Variants in ME1 observed in about 807,000 individuals in gnomAD.
The protein encoded by ME1 is NADP-dependent malic enzyme.
Under a neutral mutation model 66.4 loss-of-function variants are expected in ME1, and 74 were observed. The ratio of observed to expected loss-of-function variants is 1.11; its 90% CI spans 0.92 to 1.35. The LOEUF (loss-of-function observed/expected upper bound fraction) is 1.35. Ranked by LOEUF, ME1 falls within the 40% of genes most tolerant of loss-of-function variation. The probability of loss-of-function intolerance (pLI) is 0.00; values close to 1 mark genes in which losing one functional copy is unlikely to be tolerated. For synonymous variants in ME1, 251 were observed against 235.6 expected (o/e 1.07, Z -0.60); for missense variants, 750 against 694.1 (o/e 1.08, Z -0.90).
chr6:83,392,896 C>G (rs1245065268), intron 3 of ME1: 8 of 797,190 alleles, frequency 1.0e-5, no homozygotes, highest in Admixed American at 1.7e-5. Flanking sequence ...ACGCCCCTGG[C>G]CAAGGTCATC....
chr6:83,368,404 A>G (rs1769138950), intron 3 of ME1, among the ~76,000 whole-genome samples: 2 of 152,132 alleles, frequency 1.3e-5, no homozygotes, highest in African/African-American at 4.8e-5. Context: ...GCAAAGCACA[A>G]TAACATGAAC....
chr6:83,364,909 C>T lies in ME1; in HGVS notation c.363-12770G>A, dbSNP rs1336522786. ...CTCCTGAATGAAACCAACTGCCTCC[C>T]CTCCCCAAGTTGATGCCCCACTCAC... On this transcript the variant is annotated intron_variant, in intron 3 of 13. Transcript: ENST00000369705. 2.0e-5 allele frequency among the ~76,000 whole-genome samples: 3 copies of T among 152,040 alleles called. No individual in the cohort carries two copies. The East Asian group carries it at 5.8e-4, about 29-fold the overall frequency.
At chr6:83,403,947 T>C (rs1356368254) in intron 2 of ME1, among the ~76,000 whole-genome samples, 2 of 152,214 alleles carry the variant, frequency 1.3e-5, no homozygotes, top group East Asian at 1.9e-4. Context: ...CTATTGTGAA[T>C]AGTGCCGCAG....
At chr6:83,365,282 T>C (rs920502249) in intron 3 of ME1, among the ~76,000 whole-genome samples, 6 of 152,104 alleles carry the variant, frequency 3.9e-5, no homozygotes, top group Admixed American at 6.5e-5. Flanking sequence ...TTAGTAGAGA[T>C]AGGGTTTCAC....
At chr6:83,326,038 G>A (rs1768283872) in intron 5 of ME1, among the ~76,000 whole-genome samples, 1 of 151,084 alleles carries the variant, frequency 6.6e-6, no homozygotes, top group Non-Finnish European at 1.5e-5. Context: ...GCATGGTATT[G>A]GAACCAAAAC....
intron 6 of ME1, among the ~76,000 whole-genome samples, chr6:83,298,949 T>TTG (rs1767658738): frequency 7.7e-6 from 1 of 130,284 alleles, no homozygotes; most frequent in Non-Finnish European, 1.6e-5. Flanking sequence ...TTTTTTTTTT[T>TTG]TTTTTTTTTT....
chr6:83,228,554 T>C (rs998990223), intron 10 of ME1, among the ~76,000 whole-genome samples: 3 of 152,140 alleles, frequency 2.0e-5, no homozygotes, highest in Admixed American at 2.0e-4. Flanking sequence ...CCACTGTCTA[T>C]CTGGAGTAAT....
intron 5 of ME1, among the ~76,000 whole-genome samples, chr6:83,326,500 G>C (rs1768293608): frequency 6.6e-6 from 1 of 150,944 alleles, no homozygotes; most frequent in East Asian, 2.0e-4. Flanking sequence ...TCTGACAATG[G>C]GCTAATATCC....
chr6:83,302,018 A>G (rs1475638002), intron 6 of ME1, among the ~76,000 whole-genome samples: 1 of 152,212 alleles, frequency 6.6e-6, no homozygotes, highest in African/African-American at 2.4e-5. Flanking sequence ...TCACTCCAGC[A>G]CTATTCAAAA....
chr6:83,257,663 T>G (rs939206606), intron 6 of ME1, among the ~76,000 whole-genome samples: 4 of 152,222 alleles, frequency 2.6e-5, no homozygotes, highest in African/African-American at 9.6e-5. Context: ...AAAATGTTAC[T>G]AAAAACTGGT....
chr6:83,286,798 T>TA (rs988657788), intron 6 of ME1, among the ~76,000 whole-genome samples: 4 of 152,164 alleles, frequency 2.6e-5, no homozygotes, highest in Non-Finnish European at 5.9e-5. Context: ...ATATTTATAT[T>TA]AAAATTTTCC....
chr6:83,274,692 ACAAG>A, intron 6 of ME1, among the ~76,000 whole-genome samples: 1 of 152,236 alleles, frequency 6.6e-6, no homozygotes, highest in Non-Finnish European at 1.5e-5. Context: ...CTTAAAACCA[ACAAG>A]TAAGCAATCG....
At chr6:83,297,810 C>T (rs1260446047) in intron 6 of ME1, among the ~76,000 whole-genome samples, 1 of 151,800 alleles carries the variant, frequency 6.6e-6, no homozygotes, top group Non-Finnish European at 1.5e-5. Flanking sequence ...TCATTGTTCA[C>T]CTCCCACTTA....
At chr6:83,355,443 A>C (rs887784450) in intron 3 of ME1, among the ~76,000 whole-genome samples, 1 of 152,172 alleles carries the variant, frequency 6.6e-6, no homozygotes, top group Non-Finnish European at 1.5e-5. Context: ...AATGAATTAC[A>C]CCAAAATTAA....
At position 83,273,141 on chromosome 6, in the gene ME1, C is replaced by T. The variant is rs1298514064; in HGVS notation, c.705-19403G>A. Among the ~76,000 whole-genome samples, 3 of 141,632 alleles carry T rather than the reference C, an allele frequency of 2.1e-5. No individual in the cohort carries two copies. The East Asian group carries it at 6.2e-4, about 29-fold the overall frequency. The allele number at this position is 141,632 out of a possible 152,430, so 92.9% of individuals were successfully genotyped here. The stretch of plus-strand genomic sequence containing the variant: ...GCAGTGAGCCAACATGGTGCCACTG[C>T]ACTCCAGCCTGGGTGACAGAATGAG... On this transcript the variant is annotated intron_variant, in intron 6 of 13. Coordinates refer to ENST00000369705, the MANE Select transcript of ME1 (RefSeq NM_002395.6).
chr6:83,341,375 G>A (rs1182417068), intron 5 of ME1, among the ~76,000 whole-genome samples: 1 of 152,142 alleles, frequency 6.6e-6, no homozygotes, highest in Non-Finnish European at 1.5e-5. Context: ...CTTTCAGTGA[G>A]TTTTTTGAGT....
intron 3 of ME1, among the ~76,000 whole-genome samples, chr6:83,368,153 G>T (rs1891554): frequency 6.6e-6 from 1 of 151,602 alleles, no homozygotes. Context: ...ATATGGGAGC[G>T]GTTCATGGTA....
intron 9 of ME1, among the ~76,000 whole-genome samples, chr6:83,229,764 C>T (rs1176415715): frequency 6.6e-6 from 1 of 152,144 alleles, no homozygotes; most frequent in African/African-American, 2.4e-5. Flanking sequence ...ATAGTCTTTG[C>T]AAATTGTTAA....
intron 5 of ME1, among the ~76,000 whole-genome samples, chr6:83,325,787 G>A (rs1028895491): frequency 6.6e-6 from 1 of 151,634 alleles, no homozygotes; most frequent in African/African-American, 2.4e-5. Context: ...CTGACCATAG[G>A]GCCCAAAGTA....
Sources: allele counts gnomAD v4.1 joint callset (sites outside exome capture counted in the v4.1 genomes callset), GRCh38; gene constraint gnomAD v4.1.1; transcripts MANE v1.5; gene names NCBI Gene and HGNC (gene_info 2026-07-23, HGNC 2026-07-21).